Variants in PTPRG observed in about 807,000 individuals in gnomAD.
The protein encoded by PTPRG is protein tyrosine phosphatase receptor type G, also known as receptor-type tyrosine-protein phosphatase gamma.
In PTPRG, 102 loss-of-function variants were observed where a neutral mutation model predicts 165.3. The ratio of observed to expected loss-of-function variants is 0.62; its 90% CI spans 0.53 to 0.73. The LOEUF is 0.73. Among genes scored for constraint, PTPRG ranks in the 30% least tolerant of loss-of-function variants. PTPRG has a pLI of 0.00. For synonymous variants in PTPRG, 675 were observed against 669.5 expected (o/e 1.01, Z -0.13); for missense variants, 1,866 against 1,861.4 (o/e 1.00, Z -0.05).
chr3:61,742,422 T>TTTAACTGGTAA, intron 1 of PTPRG: 1 of 1,316,850 alleles, frequency 7.6e-7, no homozygotes, highest in Non-Finnish European at 1.0e-6. Context: ...TTTTTTTTTT[T>TTTAACTGGTAA]TGAACTGGTA....
chr3:62,146,306 T>C (rs748559232), intron 6 of PTPRG, among the ~76,000 whole-genome samples: 2 of 152,198 alleles, frequency 1.3e-5, no homozygotes, highest in Non-Finnish European at 2.9e-5. Flanking sequence ...AGGCTAGATG[T>C]CTTAGATGTC....
intron 4 of PTPRG, among the ~76,000 whole-genome samples, chr3:62,027,749 G>A (rs557609275): frequency 1.3e-5 from 2 of 152,138 alleles, no homozygotes; most frequent in East Asian, 1.9e-4. Flanking sequence ...ATCAAAAAAC[G>A]TGCCCCAGAG....
chr3:61,941,598 G>T (rs1475915159), intron 2 of PTPRG, among the ~76,000 whole-genome samples: 1 of 150,738 alleles, frequency 6.6e-6, no homozygotes, highest in Non-Finnish European at 1.5e-5. Flanking sequence ...TCCAGCCTGG[G>T]CGACAAGCAA....
intron 1 of PTPRG, among the ~76,000 whole-genome samples, chr3:61,658,099 G>T (rs553948276): frequency 1.3e-5 from 2 of 152,290 alleles, no homozygotes; most frequent in South Asian, 4.2e-4. Flanking sequence ...ACCTAACTCT[G>T]ATTTCTAGAT....
At position 62,289,339 on chromosome 3, in the gene PTPRG, G is replaced by A. The variant is rs566348118; in HGVS notation, c.4056-3082G>A. On this transcript the variant is annotated intron_variant, in intron 28 of 29. Transcript: ENST00000474889. ...CACTAAGAACTGAATAAAAGAATGAGTTTTCCACCTGTTAGGGCCCACAAG... is the reference window on the plus strand; with the variant it reads ...CACTAAGAACTGAATAAAAGAATGAATTTTCCACCTGTTAGGGCCCACAAG... 5.9e-5 allele frequency among the ~76,000 whole-genome samples: 9 copies of A among 152,274 alleles called. No individual in the cohort carries two copies. The South Asian group carries it at 1.9e-3, about 32-fold the overall frequency.
chr3:61,929,691 C>T (rs577532381), intron 2 of PTPRG, among the ~76,000 whole-genome samples: 17 of 152,246 alleles, frequency 1.1e-4, no homozygotes, highest in Non-Finnish European at 2.2e-4. Flanking sequence ...GCCGTCGTGT[C>T]GGCATCACAC....
In PTPRG at chr3:61,635,513, C is replaced by T. The variant is rs190246775; in HGVS notation, c.85+73141C>T. 1.8e-3 allele frequency among the ~76,000 whole-genome samples: 272 copies of T among 151,926 alleles called. 3 individuals are homozygous for T. The highest frequency in any genetic ancestry group is 6.1e-3 in the African/African-American group (255 of 41,478). Reference sequence around the variant, plus strand: ...CTGGGACTATAGGCATGCACCACCACGCCTGGCTAATTTTTGTATTTTTTT... The same window carrying T: ...CTGGGACTATAGGCATGCACCACCATGCCTGGCTAATTTTTGTATTTTTTT... On this transcript the variant is annotated intron_variant, in intron 1 of 29. Transcript: ENST00000474889.
intron 26 of PTPRG, 136 bp from the exon 27 acceptor site, chr3:62,281,427 G>A: frequency 1.4e-6 from 1 of 689,782 alleles, no homozygotes. Flanking sequence ...TAGTTCGATG[G>A]GAACATATAA....
At chr3:61,986,053 G>A (rs1324336499) in intron 2 of PTPRG, among the ~76,000 whole-genome samples, 3 of 150,724 alleles carry the variant, frequency 2.0e-5, no homozygotes, top group Non-Finnish European at 2.9e-5. Flanking sequence ...GTAGATAGAT[G>A]GGTAAACTCA....
chr3:61,648,183 T>C (rs1702256815), intron 1 of PTPRG, among the ~76,000 whole-genome samples: 2 of 152,212 alleles, frequency 1.3e-5, no homozygotes, highest in Admixed American at 1.3e-4. Context: ...CCCATGGTGA[T>C]GAAGACACTC....
chr3:62,179,986 G>T (rs890562075), intron 8 of PTPRG, among the ~76,000 whole-genome samples: 7 of 152,226 alleles, frequency 4.6e-5, no homozygotes, highest in African/African-American at 1.7e-4. Context: ...AGAGTTAACA[G>T]GTAAATGCCA....
chr3:61,600,173 AAT>A (rs1218233993), intron 1 of PTPRG, among the ~76,000 whole-genome samples: 18,622 of 122,432 alleles, frequency 0.15, 1,533 homozygotes, highest in Non-Finnish European at 0.2. Flanking sequence ...AAAAAAAAAA[AAT>A]ATATATATAT....
chr3:61,717,692 G>A (rs2031866140), intron 1 of PTPRG, among the ~76,000 whole-genome samples: 2 of 152,122 alleles, frequency 1.3e-5, no homozygotes, highest in African/African-American at 4.8e-5. Flanking sequence ...GGGAGGCTGA[G>A]GCAGGAGAAT....
chr3:61,676,664 A>G (rs968874850), intron 1 of PTPRG, among the ~76,000 whole-genome samples: 6 of 152,038 alleles, frequency 3.9e-5, no homozygotes, highest in African/African-American at 1.4e-4. Context: ...TTCCAAAGAC[A>G]TCTATCGGGA....
intron 2 of PTPRG, among the ~76,000 whole-genome samples, chr3:61,953,272 C>T (rs1388753140): frequency 6.6e-6 from 1 of 152,156 alleles, no homozygotes; most frequent in Non-Finnish European, 1.5e-5. Context: ...CTCCCACCCA[C>T]CCTTGCTCTG....
At chr3:62,134,062 C>A (rs1355435655) in intron 6 of PTPRG, among the ~76,000 whole-genome samples, 1 of 152,148 alleles carries the variant, frequency 6.6e-6, no homozygotes, top group South Asian at 2.1e-4. Context: ...TTCTTCAGGG[C>A]TCTTACCTCC....
In PTPRG at chr3:61,830,566, G is replaced by T. The variant is rs76106358; in HGVS notation, c.190+81584G>T. Among the ~76,000 whole-genome samples the T allele has an allele frequency of 2.1e-3, 183 of 86,556 alleles. 2 individuals are homozygous for T. The highest frequency in any genetic ancestry group is 5.2e-3 in the East Asian group (16 of 3,068). The allele number at this position is 86,556 out of a possible 152,430, so 56.8% of individuals were successfully genotyped here. Reference sequence around the variant, plus strand: ...ACTGGTGATGGTTCTTTTTGTTTTTGTTTTTTTTTTTTTTTTTTTTTTTTG... The same window carrying T: ...ACTGGTGATGGTTCTTTTTGTTTTTTTTTTTTTTTTTTTTTTTTTTTTTTG... On this transcript the variant is annotated intron_variant, in intron 2 of 29. Transcript: ENST00000474889.
intron 1 of PTPRG, among the ~76,000 whole-genome samples, chr3:61,686,327 A>G (rs898693017): frequency 2.6e-5 from 4 of 152,208 alleles, no homozygotes; most frequent in Non-Finnish European, 5.9e-5. Flanking sequence ...AATTTGGCCC[A>G]TACTAGCCCT....
intron 2 of PTPRG, among the ~76,000 whole-genome samples, chr3:61,980,885 A>G (rs890284535): frequency 6.6e-6 from 1 of 152,034 alleles, no homozygotes. Context: ...TTCACATTCA[A>G]GGGAGGAGGG....
Sources: gnomAD v4.1 joint callset for allele counts (sites outside exome capture counted in the v4.1 genomes callset) on GRCh38, gnomAD v4.1.1 for gene constraint, MANE v1.5 for transcripts, NCBI Gene and HGNC (gene_info 2026-07-23, HGNC 2026-07-21) for gene names.